The following FNIP1 variants were observed in gnomAD, a reference collection of about 807,000 sequenced individuals.
The protein encoded by FNIP1 is folliculin interacting protein 1, also known as folliculin-interacting protein 1.
Under a neutral mutation model 124.5 loss-of-function variants are expected in FNIP1, and 40 were observed. The observed-to-expected ratio is 0.32, with a 90% CI of 0.25 to 0.42. The LOEUF is 0.42. Ranked by LOEUF, FNIP1 falls within the 10% of genes least tolerant of loss-of-function variation. FNIP1 has a pLI of 1.00. For synonymous variants in FNIP1, 472 were observed against 470.6 expected (o/e 1.00, Z -0.04); for missense variants, 1,176 against 1,403.7 (o/e 0.84, Z 2.59).
At chr5:131,729,806 C>G (rs749859579) in intron 3 of FNIP1, among the ~76,000 whole-genome samples, 1 of 151,934 alleles carries the variant, frequency 6.6e-6, no homozygotes, top group Non-Finnish European at 1.5e-5. Context: ...AGTGCAATGG[C>G]GCAATCTTGG....
intron 1 of FNIP1, among the ~76,000 whole-genome samples, chr5:131,793,001 C>T (rs72791157): frequency 1.3e-4 from 20 of 152,238 alleles, no homozygotes; most frequent in Admixed American, 3.3e-4. Context: ...ACCTTCTTTG[C>T]CAAATTAGTT....
chr5:131,694,047 C>G (rs1472888154), intron 11 of FNIP1, among the ~76,000 whole-genome samples: 2 of 152,068 alleles, frequency 1.3e-5, no homozygotes, highest in African/African-American at 2.4e-5. Context: ...CTTAGAATGG[C>G]TAAAATTGAC....
At chr5:131,765,687 T>G (rs1771397543) in intron 1 of FNIP1, among the ~76,000 whole-genome samples, 1 of 152,260 alleles carries the variant, frequency 6.6e-6, no homozygotes, top group African/African-American at 2.4e-5. Flanking sequence ...ATGGTTTATC[T>G]TTACAGTACA....
At chr5:131,658,907 C>CAAAAAAAAAAAAA (rs70974003) in intron 15 of FNIP1, among the ~76,000 whole-genome samples, 9 of 41,162 alleles carry the variant, frequency 2.2e-4, no homozygotes, top group South Asian at 9.7e-4. Flanking sequence ...TGGGTCTAGC[C>CAAAAAAAAAAAAA]AAAAAAAAAA....
rs1769218284 is a variant in FNIP1 at position 131,709,393 on chromosome 5, T to C, written c.707-121A>G. ...CATTGCATTCCCTTATTTTTTTCAA[T>C]AGCATGGCACCAACCCAACACCAAG... On this transcript the variant is annotated intron_variant, in intron 7 of 17. Transcript: ENST00000510461. 1.4e-5 allele frequency: 11 copies of C among 794,674 alleles called. No individual in the cohort carries two copies. The South Asian group carries it at 1.8e-4, about 13-fold the overall frequency. The allele number at this position is 794,674 out of a possible 1,614,324, so 49.2% of individuals were successfully genotyped here. A position where few individuals can be genotyped will look rare whatever the true frequency, so the allele number is the denominator to read the frequency against.
rs140803273 is a variant in FNIP1, at chr5:131,755,435, C to T, written c.93-10745G>A. ...GACTCAATCTTAAAAAAAAAAAAAACGAAGAAGAAGAAAAAGAAAAAGAAA... is the reference window on the plus strand; with the variant it reads ...GACTCAATCTTAAAAAAAAAAAAAATGAAGAAGAAGAAAAAGAAAAAGAAA... On this transcript the variant is annotated intron_variant, in intron 1 of 17. Transcript: ENST00000510461. Among the ~76,000 whole-genome samples the T allele has an allele frequency of 5.0e-3, 707 of 140,826 alleles. 8 individuals carry two copies. The highest frequency in any genetic ancestry group is 0.018 in the African/African-American group (663 of 36,420). The allele number at this position is 140,826 out of a possible 152,430, so 92.4% of individuals were successfully genotyped here.
intron 15 of FNIP1, among the ~76,000 whole-genome samples, chr5:131,662,554 T>C (rs909003273): frequency 2.0e-5 from 3 of 152,176 alleles, no homozygotes; most frequent in African/African-American, 7.2e-5. Flanking sequence ...TTGCAAAGGC[T>C]TTGCCCTCCC....
At chr5:131,737,555 T>G (rs534849855) in intron 2 of FNIP1, among the ~76,000 whole-genome samples, 1 of 152,330 alleles carries the variant, frequency 6.6e-6, no homozygotes, top group East Asian at 1.9e-4. Flanking sequence ...AAAATATCAC[T>G]TTCTTGATCT....
intron 5 of FNIP1, among the ~76,000 whole-genome samples, chr5:131,718,736 G>A (rs1769553881): frequency 6.6e-6 from 1 of 152,174 alleles, no homozygotes; most frequent in Non-Finnish European, 1.5e-5. Flanking sequence ...TCAGCATGTT[G>A]CCCTAAGACG....
At chr5:131,680,969 C>T (rs1768058904) in intron 11 of FNIP1, among the ~76,000 whole-genome samples, 2 of 152,134 alleles carry the variant, frequency 1.3e-5, no homozygotes, top group African/African-American at 4.8e-5. Context: ...AGATGAGGCT[C>T]AAGACTCACA....
intron 1 of FNIP1, among the ~76,000 whole-genome samples, chr5:131,777,566 A>C (rs1771853197): frequency 6.6e-6 from 1 of 152,226 alleles, no homozygotes; most frequent in African/African-American, 2.4e-5. Context: ...AGACTGAATC[A>C]AATACTAAAA....
chr5:131,735,498 T>C (rs958823741), intron 2 of FNIP1, among the ~76,000 whole-genome samples: 2 of 148,512 alleles, frequency 1.3e-5, no homozygotes, highest in Non-Finnish European at 3.0e-5. Context: ...TATATACGTA[T>C]AAAATATGTA....
intron 2 of FNIP1, among the ~76,000 whole-genome samples, chr5:131,735,206 A>C (rs192548520): frequency 1.3e-5 from 2 of 151,654 alleles, no homozygotes; most frequent in African/African-American, 2.4e-5. Context: ...AACTATCGCA[A>C]GGACAAAAAA....
chr5:131,710,642 G>A lies in FNIP1; in HGVS notation c.642C>T (p.Ser214=). Residue 214 remains serine (S), a synonymous_variant, in exon 7 of 18, where the codon AGC becomes AGT. Coordinates refer to ENST00000510461, the MANE Select transcript of FNIP1 (RefSeq NM_133372.3). Reference sequence around the variant, plus strand: ...CCTGCTCAGAGAATGCCCGCCTGGGGCTGCAGAACTGTGAAAGACCTACAT... The same window carrying A: ...CCTGCTCAGAGAATGCCCGCCTGGGACTGCAGAACTGTGAAAGACCTACAT... ...LGNIGLSQFC[S]PRRAFSEQGP... is the part of the protein sequence containing the mutation. 6.2e-7 allele frequency: 1 copy of A among 1,613,938 alleles called. No individual in the cohort carries two copies. Among genetic ancestry groups the A allele is most frequent in the South Asian group, 1.1e-5 (1 of 91,030 alleles).
chr5:131,659,166 T>A (rs1273343599), intron 15 of FNIP1, among the ~76,000 whole-genome samples: 1 of 152,094 alleles, frequency 6.6e-6, no homozygotes, highest in Non-Finnish European at 1.5e-5. Context: ...CACACCAGAG[T>A]GACGATCTTC....
At chr5:131,650,004 A>T (rs532357795) in intron 16 of FNIP1, among the ~76,000 whole-genome samples, 81 of 152,298 alleles carry the variant, frequency 5.3e-4, no homozygotes, top group African/African-American at 1.7e-3. Flanking sequence ...CCAGTAGCAC[A>T]ATGTTTTGAT....
chr5:131,730,895 T>C lies in FNIP1; in HGVS notation c.354+9A>G, dbSNP rs1289841556. ...TGAATGAATAAATAAATGACATCAA[T>C]GATCTTACCTGGTACTTAAGACACT... is the stretch of plus-strand genomic sequence containing the variant. On this transcript the variant is annotated intron_variant, in intron 3 of 17. Coordinates refer to ENST00000510461, the MANE Select transcript of FNIP1 (RefSeq NM_133372.3). The C allele has an allele frequency of 6.3e-7, 1 of 1,586,544 alleles. No individual in the cohort carries two copies. The highest frequency in any genetic ancestry group is 8.6e-7 in the Non-Finnish European group (1 of 1,167,924).
chr5:131,764,297 C>T (rs1237672386), intron 1 of FNIP1, among the ~76,000 whole-genome samples: 1 of 151,298 alleles, frequency 6.6e-6, no homozygotes, highest in African/African-American at 2.4e-5. Context: ...ACAAGAATGG[C>T]CTAAAACACC....
At chr5:131,776,172 G>C (rs527747824) in intron 1 of FNIP1, among the ~76,000 whole-genome samples, 24 of 152,254 alleles carry the variant, frequency 1.6e-4, no homozygotes, top group Non-Finnish European at 2.5e-4. Context: ...TGCAACCATA[G>C]CAAAACTGAC....
Sources: gnomAD v4.1 joint callset for allele counts (sites outside exome capture counted in the v4.1 genomes callset) on GRCh38, gnomAD v4.1.1 for gene constraint, MANE v1.5 for transcripts, NCBI Gene and HGNC (gene_info 2026-07-23, HGNC 2026-07-21) for gene names.